ZNF454: variants seen among roughly 807,000 people sequenced by gnomAD.
ZNF454 encodes the protein zinc finger protein 454.
ZNF454 carries 30 observed loss-of-function variants against 48.2 expected under a neutral mutation model. That is an observed-to-expected ratio of 0.62 (90% CI 0.47 to 0.84). ZNF454 has a LOEUF of 0.84. Among genes scored for constraint, ZNF454 ranks in the 40% least tolerant of loss-of-function variants. ZNF454 has a pLI of 0.00. For missense variants in ZNF454, 510 were observed against 623.1 expected, an observed-to-expected ratio of 0.82 and a Z score of 1.93; for synonymous variants, 204 against 211.4, an observed-to-expected ratio of 0.97 and a Z score of 0.30.
chr5:178,943,818 G>A (rs1428710366), intron 2 of ZNF454, among the ~76,000 whole-genome samples: 1 of 152,180 alleles, frequency 6.6e-6, no homozygotes, highest in African/African-American at 2.4e-5. Flanking sequence ...GAGGTCAGGA[G>A]ATCGAGACCA....
the ZNF454 span, chr5:178,985,253 G>C: frequency 1.1e-5 from 5 of 456,378 alleles, no homozygotes; most frequent in African/African-American, 1.0e-4. Context: ...TTTTGGTTTA[G>C]AAAATAACTT....
the ZNF454 span, chr5:178,986,160 C>G: frequency 6.2e-6 from 10 of 1,613,840 alleles, no homozygotes; most frequent in Non-Finnish European, 8.5e-6. Flanking sequence ...AGGTGATGAC[C>G]AGCTGTGAGG....
chr5:178,987,024 A>C, the ZNF454 span: 3 of 1,602,452 alleles, frequency 1.9e-6, no homozygotes, highest in Non-Finnish European at 8.5e-7. Flanking sequence ...CCTCCAGCCC[A>C]GCAGAGCTGG....
chr5:178,985,677 T>G, the ZNF454 span: 206 of 390,228 alleles, frequency 5.3e-4, 2 homozygotes, highest in African/African-American at 4.2e-3. Context: ...CACTCCAGCC[T>G]GGGCGACACA....
At chr5:178,985,802 C>A in the ZNF454 span, 1 of 518,958 alleles carries the variant, frequency 1.9e-6, no homozygotes, top group Non-Finnish European at 3.6e-6. Context: ...TACTCTGACA[C>A]CCAAGCTGGA....
At position 178,965,714 on chromosome 5, in the gene ZNF454, A is replaced by G. The variant is rs755276956; in HGVS notation, c.1310A>G (p.Glu437Gly). 6.2e-7 allele frequency: 1 copy of G among 1,614,200 alleles called. No homozygotes were observed. Among genetic ancestry groups the G allele is most frequent in the East Asian group, 2.2e-5 (1 of 44,870 alleles). Residue 437 changes from glutamate to glycine, a missense_variant, in exon 5 of 5, where the codon GAA becomes GGA. By Grantham distance (98) the Glu-to-Gly change is moderately conservative. Transcript: ENST00000519564. This position sits in a 1 kb window ranked among gnomAD's most constrained non-coding sequence, Gnocchi z 5.2. ...CAACATCAGAGAATTCATACTGGGG[A>G]AAAACCTTATACATGTAACATATGT... The part of the protein sequence containing the change: ...LAQHQRIHTG[E>G]KPYTCNICEK...
At chr5:178,956,031 C>A (rs900424307) in intron 4 of ZNF454, among the ~76,000 whole-genome samples, 2 of 152,188 alleles carry the variant, frequency 1.3e-5, no homozygotes, top group Non-Finnish European at 2.9e-5. Context: ...CTCTCAGGAA[C>A]CACTGTCCTC....
chr5:178,956,956 T>C (rs1328944008), intron 4 of ZNF454: 7 of 253,748 alleles, frequency 2.8e-5, no homozygotes, highest in Admixed American at 2.7e-4. Context: ...CAATCTCGGC[T>C]CACTGCAAGC....
chr5:178,954,816 G>A (rs563532017), intron 4 of ZNF454, among the ~76,000 whole-genome samples: 2 of 152,332 alleles, frequency 1.3e-5, no homozygotes, highest in Admixed American at 6.5e-5. Flanking sequence ...TGCCCAGTGC[G>A]TGCTCTTTCT....
the ZNF454 span, chr5:178,986,734 G>A: frequency 1.4e-5 from 23 of 1,606,262 alleles, no homozygotes; most frequent in Non-Finnish European, 1.9e-5. Context: ...GGGGTCGCCA[G>A]ACCACTGCAG....
chr5:178,975,589 T>G, the ZNF454 span: 1 of 299,640 alleles, frequency 3.3e-6, no homozygotes, highest in Non-Finnish European at 7.0e-6. Context: ...ACCATCTAAC[T>G]GTTATTAAAA....
intron 4 of ZNF454, among the ~76,000 whole-genome samples, chr5:178,950,929 G>A (rs1276598308): frequency 3.3e-5 from 5 of 150,056 alleles, no homozygotes; most frequent in South Asian, 2.1e-4. Context: ...GCGTGATCTC[G>A]GCTCACTACA....
Position 178,946,799 on chromosome 5 carries a change from T to C in ZNF454, c.161-98T>C. ...CCCTGGGCTTTCCTATCAAGTCCCA[T>C]TTCCCAGCAAGCTCTGAGGACCAGG... On this transcript the variant is annotated intron_variant, in intron 3 of 4. Coordinates refer to ENST00000519564, the MANE Select transcript of ZNF454 (RefSeq NM_001178089.3). The surrounding 1 kb of genome is among the most constrained non-coding windows in gnomAD (Gnocchi z 4.5). 1 of 1,169,946 alleles carries C rather than the reference T, an allele frequency of 8.5e-7. No individual in the cohort carries two copies. The highest frequency in any genetic ancestry group is 1.2e-6 in the Non-Finnish European group (1 of 803,330). The allele number at this position is 1,169,946 out of a possible 1,614,324, so 72.5% of individuals were successfully genotyped here.
chr5:178,986,817 G>T, the ZNF454 span: 3 of 1,613,192 alleles, frequency 1.9e-6, no homozygotes, highest in African/African-American at 2.7e-5. Flanking sequence ...TGCCCACCTG[G>T]GGCTCGGTCT....
downstream of ZNF454, among the ~76,000 whole-genome samples, chr5:178,969,869 G>GA (rs984559715): frequency 6.6e-6 from 1 of 151,640 alleles, no homozygotes; most frequent in East Asian, 1.9e-4. Context: ...CCTTGTTACC[G>GA]AAAAAAAACA....
the ZNF454 span, among the ~76,000 whole-genome samples, chr5:178,988,346 G>A: frequency 2.0e-5 from 3 of 152,300 alleles, no homozygotes; most frequent in East Asian, 5.8e-4. This position sits in a 1 kb window ranked among gnomAD's most constrained non-coding sequence, Gnocchi z 6.0. Flanking sequence ...AAGGTGGTGA[G>A]TGAGTGTTCA....
downstream of ZNF454, among the ~76,000 whole-genome samples, chr5:178,970,055 A>G (rs1760216740): frequency 6.6e-6 from 1 of 152,322 alleles, no homozygotes; most frequent in African/African-American, 2.4e-5. Context: ...TGCTTCTAGA[A>G]CAGCATTTGT....
At chr5:178,989,215 T>TCCCCCCCCCCCCCCCCCCC in the ZNF454 span, 1 of 886,694 alleles carries the variant, frequency 1.1e-6, no homozygotes, top group East Asian at 3.3e-5. Context: ...CTCCCCACCC[T>TCCCCCCCCCCCCCCCCCCC]CACCACCCTC....
chr5:178,952,397 T>G (rs1341739631), intron 4 of ZNF454, among the ~76,000 whole-genome samples: 5 of 152,250 alleles, frequency 3.3e-5, no homozygotes, highest in African/African-American at 1.2e-4. Context: ...ATTCCTATTC[T>G]TTGCCCGTTT....
Sources: allele counts gnomAD v4.1 joint callset (sites outside exome capture counted in the v4.1 genomes callset), GRCh38; gene constraint gnomAD v4.1.1; non-coding constraint Gnocchi (gnomAD v3.1); transcripts MANE v1.5; gene names NCBI Gene and HGNC (gene_info 2026-07-23, HGNC 2026-07-21).